The following PKD1L1 variants were observed in gnomAD, a reference collection of about 807,000 sequenced individuals.
The protein encoded by PKD1L1 is polycystin 1 like 1, transient receptor potential channel interacting.
A neutral mutation model predicts 323.4 loss-of-function variants in PKD1L1; 236 were observed. The observed-to-expected ratio is 0.73, with a 90% CI of 0.66 to 0.81. PKD1L1 has a LOEUF of 0.81. Among genes scored for constraint, PKD1L1 ranks in the 40% least tolerant of loss-of-function variants. The pLI is 0.00. For synonymous variants in PKD1L1, 1,344 were observed against 1,335.0 expected (o/e 1.01, Z -0.15); for missense variants, 3,320 against 3,508.0 (o/e 0.95, Z 1.35).
chr7:47,852,026 T>G (rs540337098), intron 31 of PKD1L1, among the ~76,000 whole-genome samples: 1 of 152,366 alleles, frequency 6.6e-6, no homozygotes, highest in South Asian at 2.1e-4. Context: ...AATGTTGATT[T>G]CTTTTCCTTA....
the PKD1L1 span, chr7:47,957,215 A>G: frequency 1.4e-4 from 25 of 172,544 alleles, no homozygotes; most frequent in South Asian, 3.1e-3. Flanking sequence ...GAAACCTCCA[A>G]CAAAGTAGCT....
intron 49 of PKD1L1, 28 bp from the exon 50 acceptor site, chr7:47,812,079 G>A: frequency 1.3e-6 from 2 of 1,535,854 alleles, no homozygotes; most frequent in Non-Finnish European, 1.8e-6. Context: ...CTGGGGTAGG[G>A]CAGGGCAGGG....
rs1331309060 is a variant in PKD1L1, at chr7:47,840,424, T to A, written c.5552+37A>T. On this transcript the variant is annotated intron_variant, in intron 35 of 56. Coordinates refer to ENST00000289672, the MANE Select transcript of PKD1L1 (RefSeq NM_138295.5). The surrounding 1 kb of genome is among the most constrained non-coding windows in gnomAD (Gnocchi z 4.1). ...GGTTACACCAATTCTGATTGGCCTC[T>A]CTTTCCCAAATCTAGCAGTGAAATA... 3 of 1,512,374 alleles carry A rather than the reference T, an allele frequency of 2.0e-6. No homozygotes were observed. Among genetic ancestry groups the A allele is most frequent in the Non-Finnish European group, 2.8e-6 (3 of 1,088,158 alleles). 93.7% of individuals were successfully genotyped at this position (1,512,374 alleles called of 1,614,324 possible).
intron 1 of PKD1L1, among the ~76,000 whole-genome samples, chr7:47,947,106 A>C (rs760604315): frequency 7.9e-5 from 12 of 152,240 alleles, no homozygotes; most frequent in Non-Finnish European, 1.6e-4. Context: ...AATTGTAGCC[A>C]AAATCAGACA....
intron 52 of PKD1L1, among the ~76,000 whole-genome samples, chr7:47,807,718 G>T (rs747247500): frequency 2.0e-5 from 3 of 152,132 alleles, no homozygotes; most frequent in Admixed American, 6.5e-5. Flanking sequence ...TGGTCCTCCT[G>T]GTAGGAGCCC....
At chr7:47,936,732 C>T in intron 4 of PKD1L1, 114 bp downstream of exon 4, 1 of 793,792 alleles carries the variant, frequency 1.3e-6, no homozygotes, top group South Asian at 1.7e-5. Context: ...TGCTAACCCA[C>T]CCTCGGGCCA....
At position 47,858,818 on chromosome 7, in the gene PKD1L1, G is replaced by A. The variant is rs752294241; in HGVS notation, c.4217C>T (p.Ser1406Leu). 15 of 1,614,022 alleles carry A rather than the reference G, an allele frequency of 9.3e-6. No individual in the cohort carries two copies. The highest frequency in any genetic ancestry group is 6.7e-5 in the Admixed American group (4 of 59,990). The change falls in exon 27 of 57, where the codon TCG (serine) becomes TTG (leucine). Residue 1406 changes from serine (S) to leucine (L), a missense_variant. Transcript: ENST00000289672. ...TRALLAQGQF[S>L]GPFVIDKGVR... Reference sequence around the variant, plus strand: ...TCCTTTGTCAATCACAAATGGCCCCGAGAACTGGCCTTGAGCAAGGAGTGC... The same window carrying A: ...TCCTTTGTCAATCACAAATGGCCCCAAGAACTGGCCTTGAGCAAGGAGTGC...
chr7:47,835,267 T>C, intron 37 of PKD1L1, 24 bp from the exon 38 acceptor site: 1 of 1,479,128 alleles, frequency 6.8e-7, no homozygotes, highest in South Asian at 1.3e-5. Flanking sequence ...ACAGCAGCCA[T>C]TACATCAACT....
At chr7:47,800,618 T>A (rs1467859181) in intron 54 of PKD1L1, 31 bp downstream of exon 54, 2 of 1,602,498 alleles carry the variant, frequency 1.2e-6, no homozygotes, top group Non-Finnish European at 1.7e-6. Flanking sequence ...TTACAAACCA[T>A]AACTTGAAAG....
At position 47,840,479 on chromosome 7, in the gene PKD1L1, C is replaced by G. The variant is rs1263798364; in HGVS notation, c.5534G>C (p.Arg1845Thr). 1 of 1,613,658 alleles carries G rather than the reference C, an allele frequency of 6.2e-7. No homozygotes were observed. The highest frequency in any genetic ancestry group is 8.5e-7 in the Non-Finnish European group (1 of 1,179,684). Residue 1845 changes from arginine to threonine, a missense_variant, in exon 35 of 57, where the codon AGA becomes ACA. Transcript: ENST00000289672. The surrounding 1 kb of genome is among the most constrained non-coding windows in gnomAD (Gnocchi z 4.1). ...GGAATACCTCAGGATAAAGGTGTGT[C>G]TGGAATTCCTTTCAAACAGGGGCTT... ...PEKPLFERNS[R>T]HTFILSAPAQ... is the part of the protein sequence containing the mutation.
intron 15 of PKD1L1, among the ~76,000 whole-genome samples, chr7:47,893,290 T>TCCTTCCA (rs1434368195): frequency 1.4e-5 from 2 of 145,582 alleles, no homozygotes; most frequent in Non-Finnish European, 3.0e-5. Context: ...ACTGGAAAGG[T>TCCTTCCA]CCTTCCACGG....
chr7:47,874,415 C>T (rs1175329911), intron 23 of PKD1L1, among the ~76,000 whole-genome samples: 6 of 152,116 alleles, frequency 3.9e-5, no homozygotes, highest in South Asian at 2.1e-4. Flanking sequence ...CCACAGGCAC[C>T]GTCATAGGAA....
At chr7:47,790,756 T>A (rs572435773) in intron 56 of PKD1L1, among the ~76,000 whole-genome samples, 6 of 142,598 alleles carry the variant, frequency 4.2e-5, no homozygotes, top group African/African-American at 2.6e-5. Context: ...TTATTTTTTA[T>A]TTTTATTTTT....
intron 31 of PKD1L1, among the ~76,000 whole-genome samples, chr7:47,851,737 CTG>C (rs1318910704): frequency 6.6e-6 from 1 of 152,108 alleles, no homozygotes; most frequent in Non-Finnish European, 1.5e-5. Flanking sequence ...TGCCAATCAT[CTG>C]TGAACTGAAT....
At chr7:47,849,981 G>A (rs951082220) in intron 31 of PKD1L1, among the ~76,000 whole-genome samples, 1 of 152,092 alleles carries the variant, frequency 6.6e-6, no homozygotes, top group Non-Finnish European at 1.5e-5. Flanking sequence ...AGGATGAAAA[G>A]GCATAAGAAT....
chr7:47,853,443 A>C (rs1443016748), intron 30 of PKD1L1, among the ~76,000 whole-genome samples: 1 of 152,120 alleles, frequency 6.6e-6, no homozygotes, highest in Non-Finnish European at 1.5e-5. Context: ...CCTGCATCTC[A>C]TTAAAAACAA....
At chr7:47,842,843 C>G (rs922373605) in intron 34 of PKD1L1, 119 bp downstream of exon 34, 10 of 964,550 alleles carry the variant, frequency 1.0e-5, no homozygotes, top group Non-Finnish European at 1.5e-5. Flanking sequence ...TTTGCCTCAG[C>G]AATGAGATGA....
In PKD1L1 at chr7:47,908,147, C is replaced by T. The variant is rs751056603; in HGVS notation, c.1332G>A (p.Ala444=). 45 of 1,614,178 alleles carry T rather than the reference C, an allele frequency of 2.8e-5. No homozygotes were observed. In the East Asian group the frequency reaches 5.8e-4, roughly 21 times the overall value. ...CATGGACACTGCTGGAGTTCATGAACGCAGACACGGCCTCATGGCCAATCT... is the reference window on the plus strand; with the variant it reads ...CATGGACACTGCTGGAGTTCATGAATGCAGACACGGCCTCATGGCCAATCT... ...YVEIGHEAVS[A]FMNSSSVHED... is the part of the protein sequence containing the mutation. Residue 444 remains alanine (A), a synonymous_variant, in exon 9 of 57, where the codon GCG becomes GCA. Transcript: ENST00000289672.
At chr7:47,850,301 A>C (rs1298015540) in intron 31 of PKD1L1, among the ~76,000 whole-genome samples, 1 of 152,248 alleles carries the variant, frequency 6.6e-6, no homozygotes, top group East Asian at 1.9e-4. Context: ...ACATCTGAAC[A>C]ATAAAAATGT....
Sources: gnomAD v4.1 joint callset for allele counts (sites outside exome capture counted in the v4.1 genomes callset) on GRCh38, gnomAD v4.1.1 for gene constraint, Gnocchi (gnomAD v3.1) non-coding constraint, MANE v1.5 for transcripts, NCBI Gene and HGNC (gene_info 2026-07-23, HGNC 2026-07-21) for gene names.